Variants in UNC13C observed in about 807,000 individuals in gnomAD.
The protein encoded by UNC13C is protein unc-13 homolog C.
UNC13C carries 174 observed loss-of-function variants against 245.4 expected under a neutral mutation model. The observed-to-expected ratio is 0.71, with a 90% CI of 0.63 to 0.80. The LOEUF is 0.80. Ranked by LOEUF, UNC13C falls within the 30% of genes least tolerant of loss-of-function variation. The pLI is 0.00. For synonymous variants in UNC13C, 992 were observed against 895.1 expected (o/e 1.11, Z -1.93); for missense variants, 2,829 against 2,602.9 (o/e 1.09, Z -1.89).
chr15:53,885,082 T>C, the UNC13C span, among the ~76,000 whole-genome samples: 1 of 152,180 alleles, frequency 6.6e-6, no homozygotes, highest in Non-Finnish European at 1.5e-5. Context: ...CAAATTAGTT[T>C]TTATAAATAG....
intron 4 of UNC13C, among the ~76,000 whole-genome samples, chr15:54,183,093 A>G (rs563583957): frequency 5.3e-5 from 8 of 152,058 alleles, no homozygotes; most frequent in African/African-American, 1.9e-4. Context: ...CAAAATAAAA[A>G]CATTTTACAA....
In UNC13C at chr15:54,421,222, G is replaced by C. The variant is rs536904791; in HGVS notation, c.4933+6155G>C. On this transcript the variant is annotated intron_variant, in intron 19 of 32. Transcript: ENST00000260323. ...GTGATTCTAGTATGTATTCATACTA[G>C]ATTGATGTATTCATGATTGAGTACC... 5.3e-5 allele frequency among the ~76,000 whole-genome samples: 8 copies of C among 151,904 alleles called. No homozygotes were observed. In the South Asian group the frequency reaches 1.7e-3, roughly 32 times the overall value.
At chr15:54,086,597 C>G (rs1344702270) in intron 2 of UNC13C, among the ~76,000 whole-genome samples, 2 of 151,884 alleles carry the variant, frequency 1.3e-5, no homozygotes, top group East Asian at 3.9e-4. Context: ...GATGAAAGTT[C>G]AAAAGAGGGA....
intron 4 of UNC13C, among the ~76,000 whole-genome samples, chr15:54,171,090 G>T (rs944158513): frequency 2.6e-5 from 4 of 152,090 alleles, no homozygotes; most frequent in African/African-American, 9.7e-5. Context: ...ATAACCAGCT[G>T]CCCAATAGAA....
intron 25 of UNC13C, among the ~76,000 whole-genome samples, chr15:54,531,342 C>A (rs1414762161): frequency 6.6e-6 from 1 of 152,072 alleles, no homozygotes; most frequent in Non-Finnish European, 1.5e-5. Flanking sequence ...TGTAGGATTT[C>A]CAAACAAAAT....
chr15:54,179,515 C>G (rs1390597302), intron 4 of UNC13C, among the ~76,000 whole-genome samples: 1 of 151,800 alleles, frequency 6.6e-6, no homozygotes, highest in Non-Finnish European at 1.5e-5. Flanking sequence ...ATGGGTTTCA[C>G]AAGAGAAGGG....
At chr15:54,172,559 G>A (rs376862150) in intron 4 of UNC13C, among the ~76,000 whole-genome samples, 1 of 150,854 alleles carries the variant, frequency 6.6e-6, no homozygotes, top group Non-Finnish European at 1.5e-5. Context: ...TTATACCACA[G>A]GTTATCAGTC....
intron 19 of UNC13C, among the ~76,000 whole-genome samples, chr15:54,423,920 T>C (rs1596355398): frequency 6.6e-6 from 1 of 151,860 alleles, no homozygotes. Flanking sequence ...TTATTAGTGG[T>C]TTTTAGAATT....
chr15:54,289,332 C>T (rs1016299532), intron 10 of UNC13C, among the ~76,000 whole-genome samples: 1 of 151,902 alleles, frequency 6.6e-6, no homozygotes, highest in Non-Finnish European at 1.5e-5. Context: ...CCCACCATTC[C>T]CACTAATAAA....
intron 19 of UNC13C, among the ~76,000 whole-genome samples, chr15:54,463,986 G>A (rs11633610): frequency 6.6e-6 from 1 of 152,004 alleles, no homozygotes; most frequent in Non-Finnish European, 1.5e-5. Flanking sequence ...TATTAAAATC[G>A]CAACAAATGA....
intron 7 of UNC13C, among the ~76,000 whole-genome samples, chr15:54,249,808 A>C (rs1229647858): frequency 6.6e-6 from 1 of 152,198 alleles, no homozygotes; most frequent in Non-Finnish European, 1.5e-5. Flanking sequence ...TTACAGAAGT[A>C]TTCCTTGGGG....
chr15:53,912,122 A>G, the UNC13C span: 3 of 152,218 alleles, frequency 2.0e-5, no homozygotes, highest in Non-Finnish European at 1.5e-5. Context: ...GTTACTAGAG[A>G]GAAAATTGAC....
chr15:54,059,485 A>T (rs557163735), intron 2 of UNC13C, among the ~76,000 whole-genome samples: 1 of 152,160 alleles, frequency 6.6e-6, no homozygotes, highest in Admixed American at 6.6e-5. Flanking sequence ...AAATGGAAGA[A>T]CATTCCATGC....
At chr15:54,491,884 G>A (rs1449628729) in intron 19 of UNC13C, among the ~76,000 whole-genome samples, 3 of 151,652 alleles carry the variant, frequency 2.0e-5, no homozygotes, top group Non-Finnish European at 4.4e-5. Flanking sequence ...CCAGCTATTC[G>A]GAGAGGCTGA....
chr15:54,235,096 T>C lies in UNC13C; in HGVS notation c.3138T>C (p.Ile1046=). The change falls in exon 5 of 33, where the codon ATT becomes ATC. Residue 1046 remains isoleucine (I), a synonymous_variant. Transcript: ENST00000260323. The part of the protein sequence containing the change: ...PDLRRKKTLP[I]VRDVAMTLAA... ...TTCGCAGAAAAAAAACTTTGCCTAT[T>C]GTCCGAGATGTGGTAAGTTACAACT... 2.5e-6 allele frequency: 4 copies of C among 1,613,924 alleles called. No homozygotes were observed. The highest frequency in any genetic ancestry group is 1.6e-4 in the Middle Eastern group (1 of 6,062).
chr15:54,352,021 G>T (rs1297616854), intron 17 of UNC13C, among the ~76,000 whole-genome samples: 1 of 151,708 alleles, frequency 6.6e-6, no homozygotes, highest in Admixed American at 6.6e-5. Context: ...TTAAAAGAGA[G>T]AAATATACAG....
chr15:53,861,266 T>C, the UNC13C span, among the ~76,000 whole-genome samples: 9 of 152,158 alleles, frequency 5.9e-5, no homozygotes, highest in Admixed American at 5.9e-4. Flanking sequence ...TACTTGGGTA[T>C]AGTTATCTAA....
the UNC13C span, among the ~76,000 whole-genome samples, chr15:53,841,511 A>G: frequency 6.6e-6 from 1 of 152,162 alleles, no homozygotes; most frequent in Non-Finnish European, 1.5e-5. Flanking sequence ...GGCAACTAAT[A>G]GACATTAAAG....
intron 30 of UNC13C, among the ~76,000 whole-genome samples, chr15:54,587,960 G>A (rs1898579112): frequency 6.6e-6 from 1 of 152,162 alleles, no homozygotes; most frequent in South Asian, 2.1e-4. Flanking sequence ...TTTCAGATGA[G>A]ACTAACATTG....
Sources: allele counts gnomAD v4.1 joint callset (sites outside exome capture counted in the v4.1 genomes callset), GRCh38; gene constraint gnomAD v4.1.1; transcripts MANE v1.5; gene names NCBI Gene and HGNC (gene_info 2026-07-23, HGNC 2026-07-21).